TMEM242: variants seen among roughly 807,000 people sequenced by gnomAD.
TMEM242 encodes the protein UPF0463 transmembrane protein C6orf35.
In TMEM242, 10 loss-of-function variants were observed where a neutral mutation model predicts 18.2. The ratio of observed to expected loss-of-function variants is 0.55; its 90% CI spans 0.34 to 0.93. TMEM242 has a LOEUF of 0.93. TMEM242 is among the 40% of genes least tolerant of loss of function. The pLI, the probability that TMEM242 is intolerant of heterozygous loss-of-function variation, is 0.02. For synonymous variants in TMEM242, 57 were observed against 69.9 expected, an observed-to-expected ratio of 0.81 and a Z score of 0.92; for missense variants, 186 against 175.5, an observed-to-expected ratio of 1.06 and a Z score of -0.34.
rs1778513849 is a variant in TMEM242 at position 157,322,632 on chromosome 6, AT to A, written c.189+72del. On this transcript the variant is annotated intron_variant, in intron 2 of 3. Coordinates refer to ENST00000400788, the MANE Select transcript of TMEM242 (RefSeq NM_018452.6). ...CAATGTGAAAGACCATCAATATTTTATTTTTTCTACGCAAAAGCTGCCATAT... is the reference window on the plus strand; with the variant it reads ...CAATGTGAAAGACCATCAATATTTTATTTTTCTACGCAAAAGCTGCCATAT... 2.4e-5 allele frequency: 31 copies of A among 1,284,286 alleles called. No homozygotes were observed. The South Asian group carries it at 4.1e-4, about 17-fold the overall frequency. The allele number at this position is 1,284,286 out of a possible 1,614,324, so 79.6% of individuals were successfully genotyped here.
At chr6:157,316,762 G>A (rs1778399197) in intron 3 of TMEM242, among the ~76,000 whole-genome samples, 1 of 152,140 alleles carries the variant, frequency 6.6e-6, no homozygotes, top group African/African-American at 2.4e-5. Flanking sequence ...TGTGGTCCCA[G>A]CTACACAGGA....
In TMEM242 at chr6:157,291,365, C is replaced by T. The variant is rs1234657837; in HGVS notation, c.*1536G>A. 2.6e-5 allele frequency: 4 copies of T among 152,222 alleles called. No individual in the cohort carries two copies. The highest frequency in any genetic ancestry group is 4.4e-5 in the Non-Finnish European group (3 of 68,038). 9.4% of individuals were successfully genotyped at this position (152,222 alleles called of 1,614,324 possible). A position where few individuals can be genotyped will look rare whatever the true frequency, so the allele number is the denominator to read the frequency against. ...CAAGGTTTGAGGGCCATCTCATGCA[C>T]GTTGGAAACCCACATTTATGAAGCA... On this transcript the variant is annotated 3_prime_UTR_variant, in exon 4 of 4. Transcript: ENST00000400788.
chr6:157,311,484 G>A (rs1778094149), intron 3 of TMEM242, among the ~76,000 whole-genome samples: 1 of 133,334 alleles, frequency 7.5e-6, no homozygotes, highest in African/African-American at 2.8e-5. Flanking sequence ...GTGCCCCAGT[G>A]AGCACTCACC....
At chr6:157,321,012 C>CT (rs1181386580) in intron 2 of TMEM242, among the ~76,000 whole-genome samples, 2,096 of 101,956 alleles carry the variant, frequency 0.021, 63 homozygotes, top group African/African-American at 0.06. Context: ...TTTTTTTTTT[C>CT]TTTTTTTTTT....
chr6:157,306,695 T>C (rs2128413852), intron 3 of TMEM242, among the ~76,000 whole-genome samples: 1 of 152,202 alleles, frequency 6.6e-6, no homozygotes, highest in South Asian at 2.1e-4. Context: ...TAAGCATAAC[T>C]GGGTAAAATA....
At chr6:157,307,583 A>G (rs1777932395) in intron 3 of TMEM242, among the ~76,000 whole-genome samples, 1 of 152,176 alleles carries the variant, frequency 6.6e-6, no homozygotes, top group African/African-American at 2.4e-5. Flanking sequence ...TTGTCCACAT[A>G]TGCATCAAGT....
At chr6:157,295,351 T>C (rs1554247127) in intron 3 of TMEM242, among the ~76,000 whole-genome samples, 1 of 152,246 alleles carries the variant, frequency 6.6e-6, no homozygotes, top group Non-Finnish European at 1.5e-5. Context: ...GAACTTTGCA[T>C]AGACTTTTGT....
At chr6:157,313,980 A>G (rs1778319764) in intron 3 of TMEM242, among the ~76,000 whole-genome samples, 1 of 151,580 alleles carries the variant, frequency 6.6e-6, no homozygotes, top group Non-Finnish European at 1.5e-5. Context: ...TGGCCTCATC[A>G]TAGTGCCCCA....
intron 3 of TMEM242, among the ~76,000 whole-genome samples, chr6:157,294,599 C>G (rs1210038347): frequency 7.2e-5 from 11 of 152,096 alleles, no homozygotes; most frequent in Admixed American, 7.2e-4. Context: ...ATCCGCCCGC[C>G]TCGGCCTCCC....
At chr6:157,323,284 A>C in intron 1 of TMEM242, 128 bp downstream of exon 1, 1 of 1,074,342 alleles carries the variant, frequency 9.3e-7, no homozygotes, top group Non-Finnish European at 1.4e-6. Flanking sequence ...TCCGCGGGCT[A>C]AACTCAGGGG....
chr6:157,295,860 C>T (rs1445247356), intron 3 of TMEM242, among the ~76,000 whole-genome samples: 2 of 152,076 alleles, frequency 1.3e-5, no homozygotes, highest in Non-Finnish European at 2.9e-5. Flanking sequence ...GAAATCGAAA[C>T]GCAGACATTT....
chr6:157,312,505 C>CATCATAGTGGCCCAGTGTCCCCTA, intron 3 of TMEM242, among the ~76,000 whole-genome samples: 1 of 144,822 alleles, frequency 6.9e-6, no homozygotes, highest in African/African-American at 2.6e-5. Flanking sequence ...AGTGTGCACT[C>CATCATAGTGGCCCAGTGTCCCCTA]ACCGAGCCTC....
chr6:157,312,173 C>T lies in TMEM242; in HGVS notation c.327+6609G>A, dbSNP rs185890237. Among the ~76,000 whole-genome samples the T allele has an allele frequency of 5.6e-4, 81 of 145,472 alleles. 1 individual carries two copies. Among genetic ancestry groups the T allele is most frequent in the Non-Finnish European group, 1.0e-3 (67 of 65,026 alleles). On this transcript the variant is annotated intron_variant, in intron 3 of 3. Coordinates refer to ENST00000400788, the MANE Select transcript of TMEM242 (RefSeq NM_018452.6). ...ATCATAGTGTCCCAGTGTGCACTCACCCGGCCTCATCATAGTGTCCCAGTG... is the reference window on the plus strand; with the variant it reads ...ATCATAGTGTCCCAGTGTGCACTCATCCGGCCTCATCATAGTGTCCCAGTG...
intron 3 of TMEM242, among the ~76,000 whole-genome samples, chr6:157,311,161 CATCATAGTGTCCG>C (rs1778056670): frequency 1.5e-5 from 1 of 66,734 alleles, no homozygotes. Flanking sequence ...CACCTAGCCC[CATCATAGTGTCCG>C]AATGTGCGCT....
rs1777898185 is a variant in TMEM242, at chr6:157,305,566, T to TA, written c.328-12568dup. Among the ~76,000 whole-genome samples the TA allele has an allele frequency of 6.6e-6, 1 of 152,084 alleles. No individual in the cohort carries two copies. The highest frequency in any genetic ancestry group is 2.4e-5 in the African/African-American group (1 of 41,394). On this transcript the variant is annotated intron_variant, in intron 3 of 3. Coordinates refer to ENST00000400788, the MANE Select transcript of TMEM242 (RefSeq NM_018452.6). This position sits in a 1 kb window ranked among gnomAD's most constrained non-coding sequence, Gnocchi z 4.1. ...CGGCATCAGATAGTACTGTTTGTTT[T>TA]AAAGTGGCAGGGACTGGACGAAAGA...
chr6:157,302,810 G>A (rs1380130994), intron 3 of TMEM242, among the ~76,000 whole-genome samples: 1 of 152,172 alleles, frequency 6.6e-6, no homozygotes, highest in Non-Finnish European at 1.5e-5. Context: ...CAGTATTATA[G>A]CTAATGGCAG....
intron 1 of TMEM242, 146 bp from the exon 2 acceptor site, chr6:157,322,951 T>A (rs1778519047): frequency 2.9e-6 from 2 of 693,360 alleles, no homozygotes; most frequent in Non-Finnish European, 4.7e-6. Context: ...GCTAAGCAGC[T>A]CTTGCTAACA....
chr6:157,321,198 C>T (rs587669582), intron 2 of TMEM242, among the ~76,000 whole-genome samples: 13 of 151,880 alleles, frequency 8.6e-5, no homozygotes, highest in Non-Finnish European at 1.8e-4. Flanking sequence ...TTAGTAGAGA[C>T]GGGGTTTCAT....
At chr6:157,318,748 T>C (rs1554250552) in intron 3 of TMEM242, 34 bp downstream of exon 3, 1 of 1,612,012 alleles carries the variant, frequency 6.2e-7, no homozygotes, top group African/African-American at 1.3e-5. Flanking sequence ...AGAATAAACA[T>C]GTAGATACCA....
Sources: gnomAD v4.1 joint callset for allele counts (sites outside exome capture counted in the v4.1 genomes callset) on GRCh38, gnomAD v4.1.1 for gene constraint, Gnocchi (gnomAD v3.1) non-coding constraint, MANE v1.5 for transcripts, NCBI Gene and HGNC (gene_info 2026-07-23, HGNC 2026-07-21) for gene names.